The following EML6 variants were observed in gnomAD, a reference collection of about 807,000 sequenced individuals.
EML6 encodes the protein EMAP like 6.
EML6 carries 154 observed loss-of-function variants against 240.1 expected under a neutral mutation model. The observed-to-expected ratio is 0.64, with a 90% CI of 0.56 to 0.73. EML6 has a LOEUF of 0.73. Ranked by LOEUF, EML6 falls within the 30% of genes least tolerant of loss-of-function variation. The pLI is 0.00. For synonymous variants in EML6, 1,148 were observed against 899.0 expected, an observed-to-expected ratio of 1.28 and a Z score of -4.95; for missense variants, 2,964 against 2,474.6, an observed-to-expected ratio of 1.20 and a Z score of -4.20.
intron 35 of EML6, 150 bp downstream of exon 35, chr2:54,960,484 AGAGT>A: frequency 1.6e-6 from 1 of 628,398 alleles, no homozygotes; most frequent in Non-Finnish European, 2.8e-6. Flanking sequence ...GCAGCTTAAG[AGAGT>A]CAGACTCCCC....
intron 2 of EML6, among the ~76,000 whole-genome samples, chr2:54,766,096 A>C (rs757599687): frequency 6.6e-6 from 1 of 152,078 alleles, no homozygotes; most frequent in African/African-American, 2.4e-5. Flanking sequence ...ATGTAGATAC[A>C]TATTTTTTTC....
intron 17 of EML6, among the ~76,000 whole-genome samples, chr2:54,883,716 A>G (rs1165493292): frequency 6.6e-6 from 1 of 152,174 alleles, no homozygotes; most frequent in African/African-American, 2.4e-5. Flanking sequence ...GCTTACACAT[A>G]CACACATGCA....
At chr2:54,818,526 C>A (rs949008438) in intron 4 of EML6, among the ~76,000 whole-genome samples, 11 of 152,198 alleles carry the variant, frequency 7.2e-5, no homozygotes, top group African/African-American at 2.7e-4. Flanking sequence ...GATACATATG[C>A]CTGCCCAGTT....
chr2:54,789,744 G>A (rs898072681), intron 2 of EML6, among the ~76,000 whole-genome samples: 5 of 152,088 alleles, frequency 3.3e-5, no homozygotes, highest in African/African-American at 9.7e-5. Flanking sequence ...TCATCTTGCA[G>A]ATGAGCAAAC....
At chr2:54,733,061 T>G (rs1033589996) in intron 2 of EML6, among the ~76,000 whole-genome samples, 1 of 152,196 alleles carries the variant, frequency 6.6e-6, no homozygotes, top group Non-Finnish European at 1.5e-5. Context: ...GGCATCTGGA[T>G]GACCTCAACT....
chr2:54,750,640 G>C (rs775645332), intron 2 of EML6, among the ~76,000 whole-genome samples: 3 of 152,070 alleles, frequency 2.0e-5, no homozygotes, highest in South Asian at 2.1e-4. Flanking sequence ...CTTTCCTTCT[G>C]CTGGCCGATT....
chr2:54,924,066 G>A (rs1009242040), intron 26 of EML6, among the ~76,000 whole-genome samples: 2 of 152,126 alleles, frequency 1.3e-5, no homozygotes, highest in African/African-American at 4.8e-5. Context: ...TTATAGTAAA[G>A]CTGCTATGAA....
chr2:54,771,431 A>C (rs1212412861), intron 2 of EML6, among the ~76,000 whole-genome samples: 1 of 152,256 alleles, frequency 6.6e-6, no homozygotes, highest in Non-Finnish European at 1.5e-5. Context: ...TTCAAAAGCC[A>C]ATCTTTAAAT....
rs1370263268 is a variant in EML6, at chr2:54,886,186, G to A, written c.2439-4868G>A. Among the ~76,000 whole-genome samples, 4 of 96,858 alleles carry A rather than the reference G, an allele frequency of 4.1e-5. No individual in the cohort carries two copies. The East Asian group carries it at 1.4e-3, about 35-fold the overall frequency. 63.5% of individuals were successfully genotyped at this position (96,858 alleles called of 152,430 possible). A position where few individuals can be genotyped will look rare whatever the true frequency, so the allele number is the denominator to read the frequency against. On this transcript the variant is annotated intron_variant, in intron 17 of 41. Coordinates refer to ENST00000356458, the MANE Select transcript of EML6 (RefSeq NM_001039753.4). ...TTTTTTTTTTTTTTTTTTTTCTTGA[G>A]ATGGTGTCTTGCTGTGTCACCCAGG...
At position 54,774,622 on chromosome 2, in the gene EML6, A is replaced by C. The variant is rs1668524226; in HGVS notation, c.198-38610A>C. On this transcript the variant is annotated intron_variant, in intron 2 of 41. Coordinates refer to ENST00000356458, the MANE Select transcript of EML6 (RefSeq NM_001039753.4). The surrounding 1 kb of genome is among the most constrained non-coding windows in gnomAD (Gnocchi z 4.1). ...TAAAACATAGAGGTCCTTTTGCAAG[A>C]GGACCTGGCTTATGGTAAGCATCCA... 6.6e-6 allele frequency among the ~76,000 whole-genome samples: 1 copy of C among 152,244 alleles called. No homozygotes were observed. The highest frequency in any genetic ancestry group is 1.5e-5 in the Non-Finnish European group (1 of 68,038).
At chr2:54,955,121 A>G (rs902616224) in intron 32 of EML6, among the ~76,000 whole-genome samples, 2 of 152,248 alleles carry the variant, frequency 1.3e-5, no homozygotes, top group Non-Finnish European at 1.5e-5. Context: ...CATGATCTAT[A>G]ATGTTTCTAG....
chr2:54,925,962 C>A (rs916033116), intron 26 of EML6, among the ~76,000 whole-genome samples: 1 of 152,174 alleles, frequency 6.6e-6, no homozygotes, highest in African/African-American at 2.4e-5. Context: ...GAGGATGATT[C>A]TTCAGAGAGA....
chr2:54,846,253 C>T (rs962436187), intron 8 of EML6, among the ~76,000 whole-genome samples: 10 of 152,092 alleles, frequency 6.6e-5, no homozygotes, highest in Non-Finnish European at 1.0e-4. Context: ...TCATCTTGGA[C>T]ACATTTTCTT....
At chr2:54,967,147 A>G (rs1676783839) in intron 39 of EML6, 44 bp downstream of exon 39, 1 of 1,307,128 alleles carries the variant, frequency 7.7e-7, no homozygotes, top group South Asian at 1.3e-5. Context: ...GTCACAAGGG[A>G]GTCTCTTGTC....
At chr2:54,853,898 A>T (rs1454786155) in intron 11 of EML6, 43 bp downstream of exon 11, 1 of 1,338,984 alleles carries the variant, frequency 7.5e-7, no homozygotes, top group Non-Finnish European at 1.0e-6. Context: ...GATTTACTCT[A>T]AACTGTATAC....
intron 28 of EML6, among the ~76,000 whole-genome samples, chr2:54,938,301 A>G (rs996207895): frequency 6.6e-6 from 1 of 152,168 alleles, no homozygotes; most frequent in Admixed American, 6.5e-5. Flanking sequence ...GCAAAACTCC[A>G]TCTCAAAAAA....
At chr2:54,918,210 C>A (rs1674033173) in intron 26 of EML6, among the ~76,000 whole-genome samples, 1 of 152,192 alleles carries the variant, frequency 6.6e-6, no homozygotes, top group Non-Finnish European at 1.5e-5. Context: ...TTTTCTCTCC[C>A]TTGCAGCATC....
chr2:54,800,115 C>G (rs1057372249), intron 2 of EML6, among the ~76,000 whole-genome samples: 6 of 152,138 alleles, frequency 3.9e-5, no homozygotes, highest in African/African-American at 1.4e-4. Context: ...TGTGGTGGCA[C>G]ACGCCTGTAA....
chr2:54,928,247 T>C (rs2104387854), intron 26 of EML6, 66 bp from the exon 27 acceptor site: 5 of 1,242,014 alleles, frequency 4.0e-6, no homozygotes, highest in South Asian at 3.9e-5. Context: ...GAAACTAACA[T>C]GGATAAACGA....
Sources: allele counts gnomAD v4.1 joint callset (sites outside exome capture counted in the v4.1 genomes callset), GRCh38; gene constraint gnomAD v4.1.1; non-coding constraint Gnocchi (gnomAD v3.1); transcripts MANE v1.5; gene names NCBI Gene and HGNC (gene_info 2026-07-23, HGNC 2026-07-21).